Variants in CCDC69 observed in about 807,000 individuals in gnomAD.
The protein encoded by CCDC69 is coiled-coil domain containing 69, also known as coiled-coil domain-containing protein 69.
Under a neutral mutation model 40.3 loss-of-function variants are expected in CCDC69, and 38 were observed. The ratio of observed to expected loss-of-function variants is 0.94; its 90% CI spans 0.73 to 1.24. The LOEUF is 1.24. CCDC69 is among the 50% of genes most tolerant of loss of function. CCDC69 has a pLI of 0.00. For synonymous variants in CCDC69, 141 were observed against 138.9 expected (o/e 1.02, Z -0.11); for missense variants, 389 against 357.9 (o/e 1.09, Z -0.70).
intron 4 of CCDC69, among the ~76,000 whole-genome samples, chr5:151,190,194 G>A (rs1752586314): frequency 6.6e-6 from 1 of 152,172 alleles, no homozygotes; most frequent in African/African-American, 2.4e-5. Flanking sequence ...ACAATAGACT[G>A]TTCTTCCCTT....
chr5:151,220,951 A>G (rs1315780461), intron 1 of CCDC69, among the ~76,000 whole-genome samples: 1 of 151,892 alleles, frequency 6.6e-6, no homozygotes, highest in Non-Finnish European at 1.5e-5. Flanking sequence ...CTCCTGGGGG[A>G]TGTGACCACA....
chr5:151,201,546 A>G (rs1306893863), intron 3 of CCDC69, 36 bp downstream of exon 3: 1 of 1,415,230 alleles, frequency 7.1e-7, no homozygotes, highest in Non-Finnish European at 9.9e-7. Flanking sequence ...TTAGCTGAGC[A>G]GGAGAAAGAC....
In CCDC69 at chr5:151,183,363, C is replaced by G. The variant is rs1766671752; in HGVS notation, c.*74G>C. 6.7e-7 allele frequency: 1 copy of G among 1,487,674 alleles called. No individual in the cohort carries two copies. Among genetic ancestry groups the G allele is most frequent in the Non-Finnish European group, 9.2e-7 (1 of 1,085,002 alleles). 92.2% of individuals were successfully genotyped at this position (1,487,674 alleles called of 1,614,324 possible). ...CTTCCTGGAAAAGAACTGAGAGGCT[C>G]CTGCTGTCTTCTCCAGAAAAACCTT... On this transcript the variant is annotated 3_prime_UTR_variant, in exon 9 of 9. Transcript: ENST00000355417.
chr5:151,215,336 T>C (rs1753020996), intron 1 of CCDC69, among the ~76,000 whole-genome samples: 1 of 152,240 alleles, frequency 6.6e-6, no homozygotes, highest in South Asian at 2.1e-4. Context: ...GTGGACACTC[T>C]TCCTTTTCTG....
chr5:151,223,285 G>A (rs967642183), intron 1 of CCDC69, among the ~76,000 whole-genome samples: 1 of 152,190 alleles, frequency 6.6e-6, no homozygotes, highest in African/African-American at 2.4e-5. Flanking sequence ...ACAGAACGCA[G>A]TAGATCTCCT....
At chr5:151,220,105 C>T (rs1753113243) in intron 1 of CCDC69, among the ~76,000 whole-genome samples, 2 of 152,160 alleles carry the variant, frequency 1.3e-5, no homozygotes, top group Admixed American at 6.5e-5. Flanking sequence ...CCACCCTGCC[C>T]GCGTCAACCT....
intron 5 of CCDC69, 99 bp downstream of exon 5, chr5:151,187,287 C>T (rs1482202667): frequency 1.0e-6 from 1 of 988,526 alleles, no homozygotes; most frequent in Non-Finnish European, 1.6e-6. Context: ...CACTCCTAGG[C>T]ACACGTAATC....
At chr5:151,196,642 C>T (rs892475825) in intron 4 of CCDC69, among the ~76,000 whole-genome samples, 1 of 152,118 alleles carries the variant, frequency 6.6e-6, no homozygotes, top group African/African-American at 2.4e-5. Context: ...CAGAATTAGG[C>T]ATTAGGGAAA....
chr5:151,200,877 T>C (rs1365178897), intron 3 of CCDC69, among the ~76,000 whole-genome samples: 1 of 152,226 alleles, frequency 6.6e-6, no homozygotes, highest in Non-Finnish European at 1.5e-5. Context: ...TTCTATTATG[T>C]CCTTTCACGG....
intron 8 of CCDC69, among the ~76,000 whole-genome samples, chr5:151,183,821 C>T (rs1766680378): frequency 1.3e-5 from 2 of 152,224 alleles, no homozygotes; most frequent in Non-Finnish European, 2.9e-5. Context: ...TTCTGAGCTG[C>T]TTCAAATCTC....
chr5:151,221,221 A>C (rs576275162), intron 1 of CCDC69, among the ~76,000 whole-genome samples: 1 of 152,146 alleles, frequency 6.6e-6, no homozygotes, highest in East Asian at 1.9e-4. Flanking sequence ...GGACATGAGA[A>C]GGCCTCATGG....
chr5:151,194,922 A>G lies in CCDC69; in HGVS notation c.319+4075T>C, dbSNP rs890901237. ...AAAAAAAAAAAAAAAGAATCTATAC[A>G]TGCATTAGAATTTATGAAAATGCAC... On this transcript the variant is annotated intron_variant, in intron 4 of 8. Transcript: ENST00000355417. Among the ~76,000 whole-genome samples the G allele has an allele frequency of 4.0e-5, 6 of 150,692 alleles. 1 individual carries two copies. Among genetic ancestry groups the G allele is most frequent in the African/African-American group, 1.5e-4 (6 of 41,050 alleles).
rs970869094 is a variant in CCDC69 at position 151,206,814 on chromosome 5, T to C, written c.49-1339A>G. 1.8e-4 allele frequency among the ~76,000 whole-genome samples: 28 copies of C among 152,004 alleles called. 1 individual carries two copies. Among genetic ancestry groups the C allele is most frequent in the Admixed American group, 1.8e-3 (28 of 15,266 alleles). On this transcript the variant is annotated intron_variant, in intron 1 of 8. Coordinates refer to ENST00000355417, the MANE Select transcript of CCDC69 (RefSeq NM_015621.3). Reference sequence around the variant, plus strand: ...CCCGGCTAATTTCTTGTATTTTTAGTAGAGATGGGGTGGCACTGTGTTAGC... The same window carrying C: ...CCCGGCTAATTTCTTGTATTTTTAGCAGAGATGGGGTGGCACTGTGTTAGC...
chr5:151,195,907 T>C (rs912485217), intron 4 of CCDC69, among the ~76,000 whole-genome samples: 1 of 152,160 alleles, frequency 6.6e-6, no homozygotes, highest in Non-Finnish European at 1.5e-5. Flanking sequence ...ACCTCTGTTC[T>C]AGTTATTCCA....
At chr5:151,206,236 G>A (rs1156679351) in intron 1 of CCDC69, among the ~76,000 whole-genome samples, 1 of 152,204 alleles carries the variant, frequency 6.6e-6, no homozygotes, top group Non-Finnish European at 1.5e-5. Flanking sequence ...GAGCTGCATA[G>A]GACAAGGTAT....
chr5:151,213,426 G>A (rs987543828), intron 1 of CCDC69, among the ~76,000 whole-genome samples: 1 of 121,594 alleles, frequency 8.2e-6, no homozygotes, highest in Middle Eastern at 4.1e-3. Context: ...TTTTTTTTTT[G>A]TATTTTTTGT....
intron 1 of CCDC69, among the ~76,000 whole-genome samples, chr5:151,216,606 G>A (rs1175812593): frequency 6.6e-6 from 1 of 151,240 alleles, no homozygotes; most frequent in African/African-American, 2.4e-5. Context: ...AGTAGAGACG[G>A]GGTTTCACCA....
chr5:151,199,389 C>T (rs10044052), intron 3 of CCDC69, among the ~76,000 whole-genome samples: 4,305 of 152,176 alleles, frequency 0.028, 198 homozygotes, highest in African/African-American at 0.098. Context: ...TCTCTGCTTG[C>T]GTAAGGCTTA....
chr5:151,183,084 A>C lies in CCDC69; in HGVS notation c.*353T>G, dbSNP rs530605440. 2 of 486,452 alleles carry C rather than the reference A, an allele frequency of 4.1e-6. No individual in the cohort carries two copies. The highest frequency in any genetic ancestry group is 4.6e-5 in the Admixed American group (2 of 43,360). 30.1% of individuals were successfully genotyped at this position (486,452 alleles called of 1,614,324 possible). A position where few individuals can be genotyped will look rare whatever the true frequency, so the allele number is the denominator to read the frequency against. On this transcript the variant is annotated 3_prime_UTR_variant, in exon 9 of 9. Transcript: ENST00000355417. ...TCGGCAGCAGAGCTGACAAGCTGGG[A>C]CCAGGGGCTGTCTCCTTTATGTCAA...
Sources: gnomAD v4.1 joint callset for allele counts (sites outside exome capture counted in the v4.1 genomes callset) on GRCh38, gnomAD v4.1.1 for gene constraint, MANE v1.5 for transcripts, NCBI Gene and HGNC (gene_info 2026-07-23, HGNC 2026-07-21) for gene names.